Variants in DYNC2H1 observed in about 807,000 individuals in gnomAD.
DYNC2H1 encodes cytoplasmic dynein 2 heavy chain 1.
DYNC2H1 carries 410 observed loss-of-function variants against 570.0 expected under a neutral mutation model. The ratio of observed to expected loss-of-function variants is 0.72; its 90% CI spans 0.66 to 0.78. DYNC2H1 has a LOEUF of 0.78. Among genes scored for constraint, DYNC2H1 ranks in the 30% least tolerant of loss-of-function variants. DYNC2H1 has a pLI of 0.00. For synonymous variants in DYNC2H1, 1,688 were observed against 1,677.6 expected (o/e 1.01, Z -0.15); for missense variants, 4,865 against 5,046.4 (o/e 0.96, Z 1.09).
At chr11:103,273,130 TCCCTC>T (rs1393789457) in intron 70 of DYNC2H1, among the ~76,000 whole-genome samples, 3 of 151,436 alleles carry the variant, frequency 2.0e-5, no homozygotes, top group African/African-American at 4.8e-5. Flanking sequence ...TCCCTTCCCT[TCCCTC>T]CCCTCCCCTT....
At chr11:103,354,314 G>T (rs1940218570) in intron 82 of DYNC2H1, among the ~76,000 whole-genome samples, 1 of 151,298 alleles carries the variant, frequency 6.6e-6, no homozygotes, top group Non-Finnish European at 1.5e-5. Context: ...AAAAAATTCT[G>T]GGTTTTTTTC....
Position 103,189,596 on chromosome 11 carries a change from T to C in DYNC2H1, c.7293-76T>C. 1 of 1,466,950 alleles carries C rather than the reference T, an allele frequency of 6.8e-7. No individual in the cohort carries two copies. Among genetic ancestry groups the C allele is most frequent in the Non-Finnish European group, 9.3e-7 (1 of 1,070,942 alleles). The allele number at this position is 1,466,950 out of a possible 1,614,324, so 90.9% of individuals were successfully genotyped here. A position where few individuals can be genotyped will look rare whatever the true frequency, so the allele number is the denominator to read the frequency against. On this transcript the variant is annotated intron_variant, in intron 44 of 88. Transcript: ENST00000375735. The surrounding 1 kb of genome is among the most constrained non-coding windows in gnomAD (Gnocchi z 4.3). ...GAGCAGCACAGTTTCAAAACCACTGTTGTAACTTAACATTGAAATATTAAT... is the reference window on the plus strand; with the variant it reads ...GAGCAGCACAGTTTCAAAACCACTGCTGTAACTTAACATTGAAATATTAAT...
intron 85 of DYNC2H1, chr11:103,454,902 G>GGGTGCTGTACATTAGGTTAA (rs1406873798): frequency 7.1e-6 from 2 of 281,136 alleles, no homozygotes; most frequent in African/African-American, 4.4e-5. Flanking sequence ...GCCCAAAATG[G>GGGTGCTGTACATTAGGTTAA]GGTGCTGTAC....
At position 103,439,414 on chromosome 11, in the gene DYNC2H1, GA is replaced by G. The variant is rs1944180276; in HGVS notation, c.12456+3383del. On this transcript the variant is annotated intron_variant, in intron 85 of 88. Coordinates refer to ENST00000375735, the MANE Select transcript of DYNC2H1 (RefSeq NM_001377.3). The surrounding 1 kb of genome is among the most constrained non-coding windows in gnomAD (Gnocchi z 4.1). ...CTAAAAGCAAAGCATAGATTGCAAG[GA>G]GGGGTGTTCAGGCTGGAGGGCAAGA... 6.6e-6 allele frequency among the ~76,000 whole-genome samples: 1 copy of G among 152,126 alleles called. No individual in the cohort carries two copies. The highest frequency in any genetic ancestry group is 1.5e-5 in the Non-Finnish European group (1 of 68,012).
In DYNC2H1 at chr11:103,261,316, T is replaced by G. The variant is rs1195964586; in HGVS notation, c.10695+1339T>G. ...CCACCTGCTGGCTCTGAAGAGAGCA[T>G]CGGATCTCCAACACAGAGCTTGAGC... On this transcript the variant is annotated intron_variant, in intron 70 of 88. Transcript: ENST00000375735. The surrounding 1 kb of genome is among the most constrained non-coding windows in gnomAD (Gnocchi z 4.8). 6.6e-6 allele frequency among the ~76,000 whole-genome samples: 1 copy of G among 152,166 alleles called. No homozygotes were observed. The highest frequency in any genetic ancestry group is 1.5e-5 in the Non-Finnish European group (1 of 68,014).
chr11:103,276,686 TTCC>T (rs770961245), intron 70 of DYNC2H1, among the ~76,000 whole-genome samples: 87 of 152,224 alleles, frequency 5.7e-4, no homozygotes, highest in Middle Eastern at 6.8e-3. Flanking sequence ...TATAAACATC[TTCC>T]TCCTCCTTCT....
intron 15 of DYNC2H1, among the ~76,000 whole-genome samples, chr11:103,135,236 G>A (rs990783007): frequency 6.6e-5 from 10 of 152,006 alleles, no homozygotes; most frequent in Admixed American, 1.3e-4. Context: ...AAATATGAAA[G>A]TCATTTAATA....
chr11:103,466,857 A>T (rs542329222), intron 87 of DYNC2H1, among the ~76,000 whole-genome samples: 1 of 152,218 alleles, frequency 6.6e-6, no homozygotes, highest in Non-Finnish European at 1.5e-5. Flanking sequence ...TGTCAATATT[A>T]GGTAAAATTG....
In DYNC2H1 at chr11:103,140,210, C is replaced by T. The variant is rs537256362; in HGVS notation, c.2575-3058C>T. On this transcript the variant is annotated intron_variant, in intron 17 of 88. Coordinates refer to ENST00000375735, the MANE Select transcript of DYNC2H1 (RefSeq NM_001377.3). ...CTTTTAATTGTGTCTTTAATATTCA[C>T]ATTTAAAGTTAATATTGTTATGTGT... Among the ~76,000 whole-genome samples the T allele has an allele frequency of 8.5e-5, 13 of 152,242 alleles. No homozygotes were observed. In the East Asian group the frequency reaches 2.5e-3, roughly 29 times the overall value.
At chr11:103,425,138 C>T (rs634302) in intron 84 of DYNC2H1, among the ~76,000 whole-genome samples, 101,691 of 151,850 alleles carry the variant, frequency 0.67, 35,838 homozygotes, top group African/African-American at 0.91. Context: ...AGGTACTCAC[C>T]ATGTTGGCCA....
At chr11:103,147,999 AT>A (rs1860331623) in intron 19 of DYNC2H1, 112 bp downstream of exon 19, 1 of 737,778 alleles carries the variant, frequency 1.4e-6, no homozygotes, top group African/African-American at 1.8e-5. Context: ...AACTGAACTA[AT>A]TTAAAAAAAG....
chr11:103,479,334 C>T lies in DYNC2H1; in HGVS notation c.*81C>T, dbSNP rs1316250046. ...TTAAATCAAACATGTGGTCAGTCTA[C>T]ATTTGAAATGTTAGTTCAAAATATT... On this transcript the variant is annotated 3_prime_UTR_variant, in exon 89 of 89. Transcript: ENST00000375735. The T allele has an allele frequency of 2.1e-6, 3 of 1,450,814 alleles. No homozygotes were observed. In the Admixed American group the frequency reaches 7.5e-5, roughly 36 times the overall value. 89.9% of individuals were successfully genotyped at this position (1,450,814 alleles called of 1,614,324 possible).
At chr11:103,390,641 G>T (rs564130691) in intron 83 of DYNC2H1, among the ~76,000 whole-genome samples, 22 of 152,322 alleles carry the variant, frequency 1.4e-4, no homozygotes, top group African/African-American at 5.1e-4. Flanking sequence ...GGTACCAGTT[G>T]TTCCTTTCCA....
rs979122882 is a variant in DYNC2H1 at position 103,145,136 on chromosome 11, C to G, written c.2702+1741C>G. ...CCTCAGGTGATCTGCCCACCTTGGC[C>G]TCCCAGAGTGCTGGGATTACAGGCA... On this transcript the variant is annotated intron_variant, in intron 18 of 88. Coordinates refer to ENST00000375735, the MANE Select transcript of DYNC2H1 (RefSeq NM_001377.3). This position sits in a 1 kb window ranked among gnomAD's most constrained non-coding sequence, Gnocchi z 4.2. 1.3e-5 allele frequency among the ~76,000 whole-genome samples: 2 copies of G among 152,142 alleles called. No homozygotes were observed. Among genetic ancestry groups the G allele is most frequent in the African/African-American group, 4.8e-5 (2 of 41,416 alleles).
rs1375915186 is a variant in DYNC2H1 at position 103,264,307 on chromosome 11, A to G, written c.10695+4330A>G. Among the ~76,000 whole-genome samples the G allele has an allele frequency of 6.6e-6, 1 of 152,198 alleles. No individual in the cohort carries two copies. Among genetic ancestry groups the G allele is most frequent in the East Asian group, 1.9e-4 (1 of 5,200 alleles). ...AGGAGTTGGTACCATTCCTTCTGAA[A>G]CTATTCCATGCAATAGAAAAAGAGG... On this transcript the variant is annotated intron_variant, in intron 70 of 88. Transcript: ENST00000375735. This position sits in a 1 kb window ranked among gnomAD's most constrained non-coding sequence, Gnocchi z 4.8.
intron 5 of DYNC2H1, 90 bp downstream of exon 5, chr11:103,116,804 CT>C: frequency 8.4e-7 from 1 of 1,187,590 alleles, no homozygotes; most frequent in South Asian, 2.0e-5. Context: ...TAAAATGCTC[CT>C]TTATGTAATA....
intron 88 of DYNC2H1, among the ~76,000 whole-genome samples, chr11:103,473,890 T>A (rs1048681571): frequency 6.6e-6 from 1 of 152,222 alleles, no homozygotes; most frequent in African/African-American, 2.4e-5. Context: ...CAGAAAAAAA[T>A]TTATTCTCAG....
chr11:103,423,420 A>C (rs201826424), intron 84 of DYNC2H1, among the ~76,000 whole-genome samples: 11 of 30,332 alleles, frequency 3.6e-4, no homozygotes, highest in African/African-American at 2.8e-3. Flanking sequence ...AAAAAAAAAA[A>C]AAAAAAAAAA....
Position 103,465,708 on chromosome 11 carries a change from T to C in DYNC2H1, c.12649-2881T>C, listed in dbSNP as rs1269212080. On this transcript the variant is annotated intron_variant, in intron 87 of 88. Transcript: ENST00000375735. This position sits in a 1 kb window ranked among gnomAD's most constrained non-coding sequence, Gnocchi z 4.9. ...GCTCAGTCCTTCACATGCCCTCTCATACTGTAGGTACCTCATACTGAGGTA... is the reference window on the plus strand; with the variant it reads ...GCTCAGTCCTTCACATGCCCTCTCACACTGTAGGTACCTCATACTGAGGTA... Among the ~76,000 whole-genome samples the C allele has an allele frequency of 6.6e-6, 1 of 151,572 alleles. No individual in the cohort carries two copies. Among genetic ancestry groups the C allele is most frequent in the Non-Finnish European group, 1.5e-5 (1 of 67,934 alleles).
Sources: allele counts gnomAD v4.1 joint callset (sites outside exome capture counted in the v4.1 genomes callset), GRCh38; gene constraint gnomAD v4.1.1; non-coding constraint Gnocchi (gnomAD v3.1); transcripts MANE v1.5; gene names NCBI Gene and HGNC (gene_info 2026-07-23, HGNC 2026-07-21).